The following GRID2 variants were observed in gnomAD, a reference collection of about 807,000 sequenced individuals.
The protein encoded by GRID2 is glutamate receptor ionotropic, delta-2.
GRID2 carries 33 observed loss-of-function variants against 114.8 expected under a neutral mutation model. The ratio of observed to expected loss-of-function variants is 0.29; its 90% CI spans 0.22 to 0.38. The LOEUF (loss-of-function observed/expected upper bound fraction) is 0.38. Ranked by LOEUF, GRID2 falls within the 10% of genes least tolerant of loss-of-function variation. GRID2 has a pLI of 1.00. For synonymous variants in GRID2, 505 were observed against 449.9 expected, an observed-to-expected ratio of 1.12 and a Z score of -1.55; for missense variants, 1,184 against 1,257.7, an observed-to-expected ratio of 0.94 and a Z score of 0.89.
chr4:92,533,800 C>A (rs1028794259), intron 1 of GRID2, among the ~76,000 whole-genome samples: 1 of 152,034 alleles, frequency 6.6e-6, no homozygotes, highest in African/African-American at 2.4e-5. Flanking sequence ...AACTGAAGTA[C>A]TTTGTCCTTG....
chr4:93,300,551 A>G (rs536738662), intron 8 of GRID2, among the ~76,000 whole-genome samples: 8 of 152,164 alleles, frequency 5.3e-5, no homozygotes, highest in Admixed American at 6.6e-5. Flanking sequence ...CAGTACAAAT[A>G]TCAACATAGT....
chr4:92,445,102 T>G (rs574900562), intron 1 of GRID2, among the ~76,000 whole-genome samples: 6 of 152,302 alleles, frequency 3.9e-5, no homozygotes, highest in South Asian at 4.1e-4. Flanking sequence ...TAAGGCTTAT[T>G]ATGTGCTAGA....
chr4:93,051,056 C>G (rs761864204), intron 2 of GRID2, among the ~76,000 whole-genome samples: 3 of 151,984 alleles, frequency 2.0e-5, no homozygotes, highest in Non-Finnish European at 2.9e-5. Context: ...CCACATCACT[C>G]TTATTCAACA....
At chr4:93,460,323 C>G (rs777547343) in intron 11 of GRID2, among the ~76,000 whole-genome samples, 19 of 152,160 alleles carry the variant, frequency 1.2e-4, no homozygotes. Flanking sequence ...TCCAAACTTA[C>G]GGTTTGACCA....
intron 4 of GRID2, among the ~76,000 whole-genome samples, chr4:93,131,596 TAAA>T (rs1405109821): frequency 9.8e-6 from 1 of 102,280 alleles, no homozygotes; most frequent in Non-Finnish European, 1.8e-5. Context: ...AATTAAAAAT[TAAA>T]AATTTTATTT....
intron 2 of GRID2, among the ~76,000 whole-genome samples, chr4:92,935,849 C>T (rs896687897): frequency 1.0e-4 from 14 of 135,214 alleles, no homozygotes; most frequent in Non-Finnish European, 1.7e-4. Flanking sequence ...AACACATGGA[C>T]ACAGGAAGGG....
chr4:92,670,261 G>A (rs756730200), intron 2 of GRID2, among the ~76,000 whole-genome samples: 1 of 151,886 alleles, frequency 6.6e-6, no homozygotes, highest in Non-Finnish European at 1.5e-5. Flanking sequence ...TTTATTAAAC[G>A]TTCCGCATAC....
intron 2 of GRID2, among the ~76,000 whole-genome samples, chr4:92,967,905 A>G (rs1341374194): frequency 2.0e-5 from 3 of 151,852 alleles, no homozygotes; most frequent in Non-Finnish European, 2.9e-5. Context: ...GAATGTGGAA[A>G]GCGGTGCAGG....
intron 2 of GRID2, among the ~76,000 whole-genome samples, chr4:92,750,471 T>G (rs541710967): frequency 3.7e-5 from 5 of 134,602 alleles, no homozygotes; most frequent in South Asian, 2.5e-4. Flanking sequence ...TTAAAGAACA[T>G]GTCCATATTC....
chr4:93,230,844 C>T (rs1746047018), intron 7 of GRID2, among the ~76,000 whole-genome samples: 1 of 151,980 alleles, frequency 6.6e-6, no homozygotes, highest in South Asian at 2.1e-4. Context: ...TTTAATATGG[C>T]TTGTTTTTCA....
chr4:93,615,643 A>G (rs1228248058), intron 13 of GRID2, among the ~76,000 whole-genome samples: 4 of 151,502 alleles, frequency 2.6e-5, no homozygotes, highest in Non-Finnish European at 4.4e-5. Flanking sequence ...TCACCCCAAA[A>G]AAAAAAAAAA....
chr4:93,091,673 G>T (rs1730803438), intron 3 of GRID2, among the ~76,000 whole-genome samples: 1 of 151,994 alleles, frequency 6.6e-6, no homozygotes, highest in East Asian at 1.9e-4. Flanking sequence ...TATAAAAAAT[G>T]GTGCAAGAGC....
intron 11 of GRID2, among the ~76,000 whole-genome samples, chr4:93,486,021 T>C (rs949699609): frequency 6.6e-6 from 1 of 151,738 alleles, no homozygotes; most frequent in African/African-American, 2.4e-5. Flanking sequence ...TTATTGAATC[T>C]TCCTTTATTT....
intron 2 of GRID2, among the ~76,000 whole-genome samples, chr4:92,715,459 C>T (rs1735493886): frequency 6.6e-6 from 1 of 152,098 alleles, no homozygotes; most frequent in Non-Finnish European, 1.5e-5. Flanking sequence ...GTCTTTTCAG[C>T]AGCACCCCAC....
chr4:92,826,105 T>C lies in GRID2; in HGVS notation c.244+235819T>C, dbSNP rs537237083. ...ATTCAGAGTAAATGCCAAAGTCCTT[T>C]TTCAGAGCTAGAAATCCTATGTAAT... is the stretch of plus-strand genomic sequence containing the variant. On this transcript the variant is annotated intron_variant, in intron 2 of 15. Transcript: ENST00000282020. Among the ~76,000 whole-genome samples, 11 of 152,230 alleles carry C rather than the reference T, an allele frequency of 7.2e-5. No individual in the cohort carries two copies. In the South Asian group the frequency reaches 2.3e-3, roughly 32 times the overall value.
intron 13 of GRID2, among the ~76,000 whole-genome samples, chr4:93,528,306 T>G (rs1731119376): frequency 1.3e-5 from 2 of 152,098 alleles, no homozygotes; most frequent in Admixed American, 1.3e-4. Flanking sequence ...GAAGTGGAAC[T>G]GCTAGACGAA....
chr4:93,430,342 G>A (rs1375963968), intron 10 of GRID2, among the ~76,000 whole-genome samples: 3 of 151,920 alleles, frequency 2.0e-5, no homozygotes, highest in South Asian at 2.1e-4. Context: ...CACCATACCC[G>A]GCTAATTTTT....
intron 8 of GRID2, among the ~76,000 whole-genome samples, chr4:93,313,452 G>A (rs905870947): frequency 2.0e-5 from 3 of 152,086 alleles, no homozygotes; most frequent in African/African-American, 7.2e-5. Flanking sequence ...ACATCCACAA[G>A]GATACTTACC....
chr4:93,702,452 A>G (rs556547375), intron 14 of GRID2, among the ~76,000 whole-genome samples: 5 of 152,254 alleles, frequency 3.3e-5, no homozygotes, highest in African/African-American at 1.2e-4. Context: ...ACAGTATTCC[A>G]TCGTAGGAAT....
Sources: allele counts gnomAD v4.1 joint callset (sites outside exome capture counted in the v4.1 genomes callset), GRCh38; gene constraint gnomAD v4.1.1; transcripts MANE v1.5; gene names NCBI Gene and HGNC (gene_info 2026-07-23, HGNC 2026-07-21).